Variants in SEC24A observed in about 807,000 individuals in gnomAD.
The protein encoded by SEC24A is protein transport protein Sec24A.
In SEC24A, 93 loss-of-function variants were observed where a neutral mutation model predicts 129.4. That is an observed-to-expected ratio of 0.72 (90% confidence interval 0.61 to 0.85). The LOEUF (loss-of-function observed/expected upper bound fraction) is 0.85. Among genes scored for constraint, SEC24A ranks in the 40% least tolerant of loss-of-function variants. The pLI is 0.00. For missense variants in SEC24A, 1,264 were observed against 1,307.4 expected (o/e 0.97, Z 0.51); for synonymous variants, 460 against 467.3 (o/e 0.98, Z 0.20).
intron 4 of SEC24A, among the ~76,000 whole-genome samples, chr5:134,674,285 T>A (rs1561810220): frequency 6.6e-6 from 1 of 152,214 alleles, no homozygotes; most frequent in Non-Finnish European, 1.5e-5. Flanking sequence ...ATTAGATTTA[T>A]GTGTTGATTT....
chr5:134,682,322 C>T (rs577368101), intron 8 of SEC24A, 51 bp from the exon 9 acceptor site: 12 of 930,982 alleles, frequency 1.3e-5, no homozygotes, highest in African/African-American at 1.2e-4. Context: ...ATGCAAAATA[C>T]ATTAAATTCT....
At chr5:134,688,006 C>T (rs1751507390) in intron 10 of SEC24A, among the ~76,000 whole-genome samples, 175 bp from the exon 11 acceptor site, 1 of 151,718 alleles carries the variant, frequency 6.6e-6, no homozygotes, top group African/African-American at 2.4e-5. Context: ...TAGTGTTTTC[C>T]CTTTGAGTCA....
chr5:134,664,755 C>T (rs1750592934), intron 2 of SEC24A, among the ~76,000 whole-genome samples: 1 of 148,790 alleles, frequency 6.7e-6, no homozygotes, highest in South Asian at 2.1e-4. Context: ...GTCTTGTTAG[C>T]AGTTGTAAGA....
intron 2 of SEC24A, among the ~76,000 whole-genome samples, chr5:134,664,792 CTTTTTTTTTTTTTTTT>C (rs70976552): frequency 1.2e-5 from 1 of 86,204 alleles, no homozygotes; most frequent in African/African-American, 4.1e-5. Context: ...TTTTCTTTTT[CTTTTTTTTTTTTTTTT>C]TTTTTTTTGA....
chr5:134,698,282 G>A (rs1213196799), intron 15 of SEC24A, among the ~76,000 whole-genome samples: 1 of 152,086 alleles, frequency 6.6e-6, no homozygotes, highest in Admixed American at 6.6e-5. Context: ...ATTTTATGGT[G>A]TGTGAATTAT....
intron 12 of SEC24A, chr5:134,693,147 A>G: frequency 6.5e-7 from 1 of 1,535,612 alleles, no homozygotes; most frequent in Non-Finnish European, 8.7e-7. Flanking sequence ...TCTACCCTGT[A>G]CATGCATATA....
intron 13 of SEC24A, among the ~76,000 whole-genome samples, chr5:134,696,464 AT>A (rs1253174861): frequency 6.6e-6 from 1 of 152,076 alleles, no homozygotes; most frequent in African/African-American, 2.4e-5. Flanking sequence ...CTTTTTAAAA[AT>A]AAAGGGAAAA....
intron 2 of SEC24A, among the ~76,000 whole-genome samples, chr5:134,665,434 G>C (rs1300430888): frequency 6.7e-6 from 1 of 150,314 alleles, no homozygotes; most frequent in South Asian, 2.1e-4. Context: ...CAGCCTGGGG[G>C]ACAAGAGTGA....
intron 20 of SEC24A, among the ~76,000 whole-genome samples, chr5:134,719,953 C>G (rs1006753549): frequency 6.6e-6 from 1 of 151,766 alleles, no homozygotes; most frequent in Non-Finnish European, 1.5e-5. Flanking sequence ...CCATTGCACT[C>G]CAGCCTGGGC....
intron 15 of SEC24A, among the ~76,000 whole-genome samples, chr5:134,698,897 C>T (rs1751916016): frequency 6.6e-6 from 1 of 151,746 alleles, no homozygotes; most frequent in Admixed American, 6.6e-5. Flanking sequence ...CCTCCCAAGG[C>T]ACTGGGATTA....
At chr5:134,693,463 T>G in intron 12 of SEC24A, 1 of 1,380,498 alleles carries the variant, frequency 7.2e-7, no homozygotes, top group Non-Finnish European at 9.3e-7. Flanking sequence ...GATGGTTCTT[T>G]TGGATACATT....
Position 134,673,018 on chromosome 5 carries a change from C to T in SEC24A, c.817+1132C>T, listed in dbSNP as rs578131077. 1.0e-3 allele frequency among the ~76,000 whole-genome samples: 152 copies of T among 149,822 alleles called. 2 individuals carry two copies. The highest frequency in any genetic ancestry group is 3.5e-3 in the Middle Eastern group (1 of 286). Reference sequence around the variant, plus strand: ...TTGGTTCCCCGATTTGCTGGGATTACAGGTGTGAACCATCTCACACGGCCC... The same window carrying T: ...TTGGTTCCCCGATTTGCTGGGATTATAGGTGTGAACCATCTCACACGGCCC... On this transcript the variant is annotated intron_variant, in intron 4 of 22. Transcript: ENST00000398844.
chr5:134,680,733 C>T (rs991190049), intron 8 of SEC24A, among the ~76,000 whole-genome samples: 4 of 152,090 alleles, frequency 2.6e-5, no homozygotes, highest in African/African-American at 7.2e-5. Flanking sequence ...ACCTCTCTGC[C>T]TCCCAGGTTC....
intron 1 of SEC24A, among the ~76,000 whole-genome samples, chr5:134,656,406 C>G (rs917238020): frequency 6.6e-6 from 1 of 151,976 alleles, no homozygotes; most frequent in Non-Finnish European, 1.5e-5. Context: ...CTGGACATCT[C>G]CACTTAGATT....
chr5:134,691,101 C>A (rs1157218589), intron 11 of SEC24A, among the ~76,000 whole-genome samples: 1 of 151,760 alleles, frequency 6.6e-6, no homozygotes, highest in Non-Finnish European at 1.5e-5. Context: ...GAACTGCCCA[C>A]CTCGGCCTCC....
At chr5:134,680,128 T>C (rs1189367774) in intron 8 of SEC24A, among the ~76,000 whole-genome samples, 1 of 152,106 alleles carries the variant, frequency 6.6e-6, no homozygotes, top group Non-Finnish European at 1.5e-5. Flanking sequence ...TGAAGGGAAG[T>C]AGGCAGTGCT....
intron 1 of SEC24A, among the ~76,000 whole-genome samples, chr5:134,659,713 G>A (rs1004805507): frequency 1.6e-4 from 24 of 149,020 alleles, no homozygotes; most frequent in Admixed American, 1.5e-3. Flanking sequence ...GGAGTGCAGT[G>A]GCGTGAACGC....
intron 1 of SEC24A, among the ~76,000 whole-genome samples, chr5:134,653,121 AG>A (rs1750122153): frequency 6.6e-6 from 1 of 151,264 alleles, no homozygotes; most frequent in African/African-American, 2.4e-5. Flanking sequence ...TTGTATTTTT[AG>A]TGGAGACGGG....
chr5:134,691,679 T>A (rs1751658319), intron 11 of SEC24A, among the ~76,000 whole-genome samples: 1 of 151,766 alleles, frequency 6.6e-6, no homozygotes, highest in African/African-American at 2.4e-5. Context: ...ACTTTTTGTA[T>A]TTTTACTAGA....
Sources: allele counts gnomAD v4.1 joint callset (sites outside exome capture counted in the v4.1 genomes callset), GRCh38; gene constraint gnomAD v4.1.1; transcripts MANE v1.5; gene names NCBI Gene and HGNC (gene_info 2026-07-23, HGNC 2026-07-21).